The following QTGAL variants were observed in gnomAD, a reference collection of about 807,000 sequenced individuals.
QTGAL encodes BGnT-like protein 1.
chr17:83,051,690 C>A, the QTGAL span: 3 of 1,429,518 alleles, frequency 2.1e-6, no homozygotes, highest in African/African-American at 3.0e-5. Context: ...TGAGGGGACG[C>A]GAGGACCCAG....
the QTGAL span, among the ~76,000 whole-genome samples, chr17:82,974,804 G>A: frequency 1.3e-5 from 2 of 152,240 alleles, no homozygotes; most frequent in African/African-American, 4.8e-5. Context: ...GGCAGGCTGG[G>A]AACCAGTGTC....
chr17:83,029,643 C>T, the QTGAL span, among the ~76,000 whole-genome samples: 5 of 152,174 alleles, frequency 3.3e-5, no homozygotes, highest in African/African-American at 7.2e-5. Context: ...AAAAAGAATT[C>T]GCAGATTGGC....
chr17:82,965,721 A>G, the QTGAL span: 2 of 1,612,420 alleles, frequency 1.2e-6, no homozygotes, highest in Non-Finnish European at 1.7e-6. Flanking sequence ...GGGCATGATC[A>G]CCGTGGGGCC....
At chr17:83,030,504 G>A in the QTGAL span, among the ~76,000 whole-genome samples, 3 of 152,220 alleles carry the variant, frequency 2.0e-5, no homozygotes, top group African/African-American at 7.2e-5. Context: ...CGGCTTGTGA[G>A]GGTTCTAGAC....
the QTGAL span, chr17:83,005,543 A>T: frequency 2.8e-6 from 2 of 701,824 alleles, no homozygotes; most frequent in African/African-American, 1.7e-5. The surrounding 1 kb of genome is among the most constrained non-coding windows in gnomAD (Gnocchi z 5.6). Flanking sequence ...CAAATGGCCC[A>T]TATGCAAGGT....
chr17:82,957,341 G>C, the QTGAL span: 1 of 1,613,716 alleles, frequency 6.2e-7, no homozygotes, highest in South Asian at 1.1e-5. Context: ...CAGTGTTGGA[G>C]GGTGGCAGGA....
the QTGAL span, among the ~76,000 whole-genome samples, chr17:83,011,672 G>A: frequency 2.0e-5 from 3 of 152,176 alleles, no homozygotes; most frequent in African/African-American, 7.2e-5. Flanking sequence ...CCACCTAACC[G>A]CGCCATTGGG....
At chr17:82,948,029 A>G in the QTGAL span, 2 of 152,274 alleles carry the variant, frequency 1.3e-5, no homozygotes, top group Admixed American at 6.5e-5. Context: ...AAACCACAAA[A>G]TGGAGGAAGA....
At chr17:83,038,486 C>A in the QTGAL span, among the ~76,000 whole-genome samples, 1 of 152,194 alleles carries the variant, frequency 6.6e-6, no homozygotes. Context: ...AGGAGTGTCA[C>A]AACAGTCACC....
chr17:82,978,107 C>T, the QTGAL span, among the ~76,000 whole-genome samples: 3,495 of 152,148 alleles, frequency 0.023, 147 homozygotes, highest in African/African-American at 0.081. This position sits in a 1 kb window ranked among gnomAD's most constrained non-coding sequence, Gnocchi z 4.8. Context: ...TAAAAAAGCA[C>T]GTGCTGTTTG....
At chr17:83,006,467 T>C in the QTGAL span, 1 of 983,814 alleles carries the variant, frequency 1.0e-6, no homozygotes, top group South Asian at 4.7e-5. This position sits in a 1 kb window ranked among gnomAD's most constrained non-coding sequence, Gnocchi z 5.8. Context: ...CCTTCACCAC[T>C]TCCTCTGGTG....
the QTGAL span, among the ~76,000 whole-genome samples, chr17:83,028,357 T>C: frequency 4.0e-5 from 6 of 149,928 alleles, no homozygotes; most frequent in South Asian, 1.3e-3. Context: ...ACCCCGTCTC[T>C]ACTAAAAATA....
the QTGAL span, among the ~76,000 whole-genome samples, chr17:82,963,291 G>A: frequency 6.6e-6 from 1 of 152,292 alleles, no homozygotes; most frequent in South Asian, 2.1e-4. Flanking sequence ...TCCTTCCCCA[G>A]GGCTCGTCCC....
chr17:83,018,663 A>C, the QTGAL span, among the ~76,000 whole-genome samples: 1 of 152,234 alleles, frequency 6.6e-6, no homozygotes, highest in Non-Finnish European at 1.5e-5. Context: ...ATTGCTTCTG[A>C]CCAAGGAACT....
At chr17:83,042,149 T>C in the QTGAL span, among the ~76,000 whole-genome samples, 1 of 152,186 alleles carries the variant, frequency 6.6e-6, no homozygotes, top group Non-Finnish European at 1.5e-5. Context: ...GGTGGATCAC[T>C]TGAGTCCAGG....
the QTGAL span, among the ~76,000 whole-genome samples, chr17:83,027,317 A>G: frequency 1.3e-5 from 2 of 152,260 alleles, no homozygotes; most frequent in Non-Finnish European, 1.5e-5. Flanking sequence ...GGGACTGAAT[A>G]TTCACATGAA....
At chr17:83,039,478 C>T in the QTGAL span, among the ~76,000 whole-genome samples, 3 of 122,040 alleles carry the variant, frequency 2.5e-5, no homozygotes, top group African/African-American at 9.0e-5. Context: ...GCTGGGCGCC[C>T]GCCGCCCGCC....
chr17:82,947,028 A>AG, the QTGAL span: 3 of 1,526,618 alleles, frequency 2.0e-6, no homozygotes, highest in African/African-American at 4.1e-5. Context: ...TCCTGGCTCT[A>AG]GGAGGCCACT....
chr17:82,971,215 G>C, the QTGAL span, among the ~76,000 whole-genome samples: 2 of 152,144 alleles, frequency 1.3e-5, no homozygotes, highest in South Asian at 4.1e-4. Flanking sequence ...CGTTTCTATC[G>C]GACAGAATTA....
Sources: gnomAD v4.1 joint callset for allele counts (sites outside exome capture counted in the v4.1 genomes callset) on GRCh38, gnomAD v4.1.1 for gene constraint, Gnocchi (gnomAD v3.1) non-coding constraint, MANE v1.5 for transcripts, NCBI Gene and HGNC (gene_info 2026-07-23, HGNC 2026-07-21) for gene names.